Variants in AGAP3 observed in about 807,000 individuals in gnomAD.
AGAP3 encodes arf-GAP with GTPase, ANK repeat and PH domain-containing protein 3.
Under a neutral mutation model 96.9 loss-of-function variants are expected in AGAP3, and 24 were observed. That is an observed-to-expected ratio of 0.25 (90% CI 0.18 to 0.35). AGAP3 has a LOEUF of 0.35. AGAP3 is among the 10% of genes least tolerant of loss of function. The probability of loss-of-function intolerance (pLI) is 1.00; values close to 1 mark genes in which losing one functional copy is unlikely to be tolerated. For missense variants in AGAP3, 876 were observed against 1,254.2 expected, an observed-to-expected ratio of 0.70 and a Z score of 4.55; for synonymous variants, 563 against 536.1, an observed-to-expected ratio of 1.05 and a Z score of -0.69.
In AGAP3 at chr7:151,114,785, G is replaced by A; in HGVS notation, c.332-2008G>A. The A allele has an allele frequency of 9.7e-7, 1 of 1,034,536 alleles. No individual in the cohort carries two copies. The highest frequency in any genetic ancestry group is 1.2e-6 in the Non-Finnish European group (1 of 863,988). The allele number at this position is 1,034,536 out of a possible 1,614,324, so 64.1% of individuals were successfully genotyped here. A position where few individuals can be genotyped will look rare whatever the true frequency, so the allele number is the denominator to read the frequency against. ...CGGCCCTGAGCATGGAGCGGGGCTG[G>A]CCGCAGGGGGACAGCTGTCCCGGGG... is the stretch of plus-strand genomic sequence containing the variant. On this transcript the variant is annotated intron_variant, in intron 1 of 17. Coordinates refer to ENST00000397238, the MANE Select transcript of AGAP3 (RefSeq NM_031946.7). The surrounding 1 kb of genome is among the most constrained non-coding windows in gnomAD (Gnocchi z 4.4).
At chr7:151,110,204 C>T (rs1254134956) in intron 1 of AGAP3, among the ~76,000 whole-genome samples, 1 of 152,236 alleles carries the variant, frequency 6.6e-6, no homozygotes, top group Non-Finnish European at 1.5e-5. Flanking sequence ...GCCAAAAGCC[C>T]TGGGAGCACA....
intron 1 of AGAP3, among the ~76,000 whole-genome samples, chr7:151,091,206 C>T (rs1242544034): frequency 6.6e-6 from 1 of 152,196 alleles, no homozygotes; most frequent in East Asian, 1.9e-4. Context: ...TGCTGAGGTT[C>T]CCTTCAAAGA....
rs1443199165 is a variant in AGAP3 at position 151,105,534 on chromosome 7, T to C, written c.332-11259T>C. On this transcript the variant is annotated intron_variant, in intron 1 of 17. Coordinates refer to ENST00000397238, the MANE Select transcript of AGAP3 (RefSeq NM_031946.7). ...ACTTTGGGAGGCTGAGGTGGAAGGA[T>C]CACTTGAGGCCAGGAGTTTGAGACC... Among the ~76,000 whole-genome samples, 7 of 150,110 alleles carry C rather than the reference T, an allele frequency of 4.7e-5. No individual in the cohort carries two copies. In the East Asian group the frequency reaches 7.8e-4, roughly 17 times the overall value.
At chr7:151,121,386 T>A (rs1427793711) in intron 8 of AGAP3, among the ~76,000 whole-genome samples, 1 of 152,080 alleles carries the variant, frequency 6.6e-6, no homozygotes. Flanking sequence ...CTGCTGCTGC[T>A]GCGGGACCCT....
intron 2 of AGAP3, 44 bp from the exon 3 acceptor site, chr7:151,117,051 G>GTGCCCTC (rs574862697): frequency 1.9e-6 from 3 of 1,581,852 alleles, no homozygotes; most frequent in East Asian, 2.2e-5. Flanking sequence ...CTTCTCCCTC[G>GTGCCCTC]TGCCCTCTGC....
intron 11 of AGAP3, chr7:151,137,884 A>G: frequency 2.0e-6 from 1 of 507,590 alleles, no homozygotes. Flanking sequence ...TCTGATGCAG[A>G]GACCCCCCGC....
intron 1 of AGAP3, among the ~76,000 whole-genome samples, chr7:151,112,446 G>C (rs1186179303): frequency 1.3e-5 from 2 of 149,698 alleles, no homozygotes; most frequent in Admixed American, 6.7e-5. Flanking sequence ...TCCAGCATGT[G>C]TGCAGCTGGG....
At chr7:151,127,057 T>G (rs1393654829) in intron 9 of AGAP3, among the ~76,000 whole-genome samples, 1 of 152,178 alleles carries the variant, frequency 6.6e-6, no homozygotes, top group Non-Finnish European at 1.5e-5. Flanking sequence ...TGGGTGCCCT[T>G]TCTGGCCTCC....
chr7:151,089,490 C>A (rs1157110077), intron 1 of AGAP3, among the ~76,000 whole-genome samples: 1 of 152,158 alleles, frequency 6.6e-6, no homozygotes, highest in South Asian at 2.1e-4. Flanking sequence ...ATAACAAAGC[C>A]TCCCTCACTC....
In AGAP3 at chr7:151,138,287, C is replaced by T. The variant is rs1383688194; in HGVS notation, c.1640C>T (p.Ser547Phe). ...GACCAGTGGAGTGAGGCCACCACTT[C>T]CCTGCCCCCAGGCATGCAGCACCCT... ...SADQWSEATT[S>F]LPPGMQHPAS... The change falls in exon 12 of 18, where the codon TCC becomes TTC. Residue 547 changes from serine to phenylalanine, a missense_variant. By Grantham distance (155) the Ser-to-Phe change is radical. This residue lies in a region of AGAP3 where 155 missense variants were observed against 144.4 expected (regional missense o/e 1.07). Coordinates refer to ENST00000397238, the MANE Select transcript of AGAP3 (RefSeq NM_031946.7). 16 of 1,612,552 alleles carry T rather than the reference C, an allele frequency of 9.9e-6. No individual in the cohort carries two copies. The highest frequency in any genetic ancestry group is 1.4e-5 in the Non-Finnish European group (16 of 1,179,562).
At chr7:151,129,953 G>A (rs1023467625) in intron 10 of AGAP3, among the ~76,000 whole-genome samples, 8 of 152,252 alleles carry the variant, frequency 5.3e-5, no homozygotes, top group Non-Finnish European at 8.8e-5. Context: ...TCACAGACAG[G>A]AAGTCCCAGG....
At chr7:151,091,354 G>A (rs1798393209) in intron 1 of AGAP3, among the ~76,000 whole-genome samples, 1 of 152,270 alleles carries the variant, frequency 6.6e-6, no homozygotes, top group Non-Finnish European at 1.5e-5. Flanking sequence ...GCTCGCAAGA[G>A]TTCTAGCAAT....
At chr7:151,093,644 C>G (rs1419547830) in intron 1 of AGAP3, among the ~76,000 whole-genome samples, 4 of 152,164 alleles carry the variant, frequency 2.6e-5, no homozygotes. Flanking sequence ...TTTGCTGTTA[C>G]TAGGCTTTCG....
At chr7:151,092,119 G>A (rs994413430) in intron 1 of AGAP3, among the ~76,000 whole-genome samples, 5 of 152,180 alleles carry the variant, frequency 3.3e-5, no homozygotes, top group East Asian at 1.9e-4. Context: ...GTCATTCTGC[G>A]AAAGATGGGC....
At position 151,118,445 on chromosome 7, in the gene AGAP3, G is replaced by C; in HGVS notation, c.842-60G>C. ...CAAGGCTGTGTGTCTGGGGGGAGGTGCTAAGCCAGGCTTTTCCCTTCTCTC... is the reference window on the plus strand; with the variant it reads ...CAAGGCTGTGTGTCTGGGGGGAGGTCCTAAGCCAGGCTTTTCCCTTCTCTC... On this transcript the variant is annotated intron_variant, in intron 6 of 17. Transcript: ENST00000397238. The surrounding 1 kb of genome is among the most constrained non-coding windows in gnomAD (Gnocchi z 6.1). 6.2e-7 allele frequency: 1 copy of C among 1,602,962 alleles called. No homozygotes were observed. The highest frequency in any genetic ancestry group is 1.1e-5 in the South Asian group (1 of 90,566).
intron 11 of AGAP3, 85 bp downstream of exon 11, chr7:151,134,653 A>T: frequency 7.2e-7 from 1 of 1,383,858 alleles, no homozygotes; most frequent in Non-Finnish European, 9.9e-7. Context: ...GCTGCTTCTC[A>T]GCCTGGGCAC....
Position 151,118,035 on chromosome 7 carries a change from C to T in AGAP3, c.707-175C>T. On this transcript the variant is annotated intron_variant, in intron 5 of 17. Transcript: ENST00000397238. This position sits in a 1 kb window ranked among gnomAD's most constrained non-coding sequence, Gnocchi z 6.1. ...CAGAGCTTAAGTGCTTGCTGGTTTG[C>T]ACTCAGTGAGGCCATGGAAGGGTTG... is the stretch of plus-strand genomic sequence containing the variant. 1.1e-6 allele frequency: 1 copy of T among 942,106 alleles called. No individual in the cohort carries two copies. Among genetic ancestry groups the T allele is most frequent in the Non-Finnish European group, 1.6e-6 (1 of 637,540 alleles). The allele number at this position is 942,106 out of a possible 1,614,324, so 58.4% of individuals were successfully genotyped here. A position where few individuals can be genotyped will look rare whatever the true frequency, so the allele number is the denominator to read the frequency against.
At chr7:151,111,586 A>T (rs1238706168) in intron 1 of AGAP3, among the ~76,000 whole-genome samples, 1 of 140,062 alleles carries the variant, frequency 7.1e-6, no homozygotes, top group Admixed American at 7.1e-5. Context: ...CCGGCCCCTC[A>T]CCCCCCTGTG....
Position 151,113,366 on chromosome 7 carries a change from GGGCCTCTCCA to G in AGAP3, c.332-3421_332-3412del, listed in dbSNP as rs150896718. Among the ~76,000 whole-genome samples the G allele has an allele frequency of 1.7e-3, 252 of 152,302 alleles. 1 individual carries two copies. Among genetic ancestry groups the G allele is most frequent in the African/African-American group, 5.8e-3 (240 of 41,540 alleles). On this transcript the variant is annotated intron_variant, in intron 1 of 17. Coordinates refer to ENST00000397238, the MANE Select transcript of AGAP3 (RefSeq NM_031946.7). The stretch of plus-strand genomic sequence containing the variant: ...CCACGGAAATACAAACTCACCACCA[GGGCCTCTCCA>G]GGCCTGGGAGATCCAGCCCAGGACT...
Sources: allele counts gnomAD v4.1 joint callset (sites outside exome capture counted in the v4.1 genomes callset), GRCh38; gene constraint gnomAD v4.1.1; regional missense constraint gnomAD v4.1.1; non-coding constraint Gnocchi (gnomAD v3.1); transcripts MANE v1.5; gene names NCBI Gene and HGNC (gene_info 2026-07-23, HGNC 2026-07-21).